The following PDE1C variants were observed in gnomAD, a reference collection of about 807,000 sequenced individuals.
The protein encoded by PDE1C is phosphodiesterase 1C.
A neutral mutation model predicts 93.1 loss-of-function variants in PDE1C; 62 were observed. That is an observed-to-expected ratio of 0.67 (90% CI 0.54 to 0.82). The LOEUF is 0.82. Ranked by LOEUF, PDE1C falls within the 40% of genes least tolerant of loss-of-function variation. The pLI, the probability that PDE1C is intolerant of heterozygous loss-of-function variation, is 0.00. For synonymous variants in PDE1C, 325 were observed against 310.1 expected (o/e 1.05, Z -0.50); for missense variants, 742 against 884.6 (o/e 0.84, Z 2.04).
intron 2 of PDE1C, among the ~76,000 whole-genome samples, chr7:31,986,929 AACACACACACACACACAC>A (rs10551724): frequency 2.0e-5 from 3 of 149,792 alleles, no homozygotes; most frequent in African/African-American, 4.9e-5. Context: ...ATTGAACACG[AACACACACACACACACAC>A]ACACACACAT....
At chr7:31,966,637 C>A (rs533591963) in intron 2 of PDE1C, among the ~76,000 whole-genome samples, 344 of 152,328 alleles carry the variant, frequency 2.3e-3, no homozygotes, top group Non-Finnish European at 3.8e-3. Context: ...ACTCTCTACC[C>A]TAAATCAACA....
chr7:32,075,647 AG>A (rs1189881437), upstream of PDE1C, among the ~76,000 whole-genome samples: 1 of 152,186 alleles, frequency 6.6e-6, no homozygotes, highest in African/African-American at 2.4e-5. Context: ...CCCCCACTCT[AG>A]CCCCCCTCTG....
At chr7:32,226,219 T>C (rs2128858364) in intron 1 of PDE1C, among the ~76,000 whole-genome samples, 1 of 152,308 alleles carries the variant, frequency 6.6e-6, no homozygotes, top group Admixed American at 6.5e-5. Flanking sequence ...TGGCCCTGAC[T>C]CCCTCACTCA....
At chr7:31,647,374 ATGG>A in the PDE1C span, among the ~76,000 whole-genome samples, 1 of 152,182 alleles carries the variant, frequency 6.6e-6, no homozygotes, top group African/African-American at 2.4e-5. Context: ...TTAGAAGATA[ATGG>A]GAGGCCAGGC....
chr7:31,912,168 T>A (rs1267628164), intron 2 of PDE1C, among the ~76,000 whole-genome samples: 1 of 152,166 alleles, frequency 6.6e-6, no homozygotes, highest in Non-Finnish European at 1.5e-5. Context: ...GAAAAGTCAA[T>A]GAAACCTATT....
the PDE1C span, among the ~76,000 whole-genome samples, chr7:31,628,030 A>C: frequency 5.9e-5 from 9 of 152,210 alleles, no homozygotes; most frequent in African/African-American, 2.2e-4. Flanking sequence ...ATAAGAGCAG[A>C]AAGTCTTTGT....
intron 7 of PDE1C, among the ~76,000 whole-genome samples, chr7:31,860,422 C>A (rs1490375560): frequency 1.3e-5 from 2 of 152,192 alleles, no homozygotes; most frequent in Non-Finnish European, 2.9e-5. Flanking sequence ...TATTATCACA[C>A]TTTCAACATT....
chr7:32,165,983 T>A (rs1014164677), intron 3 of PDE1C, among the ~76,000 whole-genome samples: 1 of 151,932 alleles, frequency 6.6e-6, no homozygotes. Flanking sequence ...ACACTCAAGT[T>A]TGAATCATCA....
At chr7:31,740,798 G>A in the PDE1C span, among the ~76,000 whole-genome samples, 1 of 152,170 alleles carries the variant, frequency 6.6e-6, no homozygotes, top group Admixed American at 6.5e-5. Context: ...GCCAGGCACG[G>A]TGGCTTACAT....
intron 1 of PDE1C, among the ~76,000 whole-genome samples, chr7:32,312,879 G>A (rs1783081313): frequency 6.6e-6 from 1 of 152,088 alleles, no homozygotes; most frequent in African/African-American, 2.4e-5. Context: ...AAAAGCAATG[G>A]CAACAAAAGC....
chr7:32,426,671 T>A (rs1785541207), intron 1 of PDE1C, among the ~76,000 whole-genome samples: 1 of 152,216 alleles, frequency 6.6e-6, no homozygotes, highest in Non-Finnish European at 1.5e-5. Context: ...TTCCCATTAA[T>A]ACCACAAAGA....
chr7:32,292,494 T>G (rs1275592443), intron 1 of PDE1C, among the ~76,000 whole-genome samples: 1 of 152,238 alleles, frequency 6.6e-6, no homozygotes, highest in Non-Finnish European at 1.5e-5. Context: ...ACCCAGTGGA[T>G]AAATCAGCCC....
intron 16 of PDE1C, among the ~76,000 whole-genome samples, chr7:31,805,445 T>G (rs1384091850): frequency 6.6e-6 from 1 of 151,918 alleles, no homozygotes; most frequent in Non-Finnish European, 1.5e-5. Context: ...TCTTCAGACC[T>G]CTAGAGTTTA....
intron 17 of PDE1C, among the ~76,000 whole-genome samples, chr7:31,758,109 G>A (rs529047437): frequency 6.6e-6 from 1 of 152,182 alleles, no homozygotes; most frequent in South Asian, 2.1e-4. Flanking sequence ...AGAACACTTG[G>A]GCACGAGAAG....
chr7:32,123,291 G>C (rs1375571959), intron 3 of PDE1C, among the ~76,000 whole-genome samples: 1 of 152,052 alleles, frequency 6.6e-6, no homozygotes, highest in Admixed American at 6.5e-5. Context: ...GTACAAAAAG[G>C]AGCTGGTACA....
intron 1 of PDE1C, among the ~76,000 whole-genome samples, chr7:32,063,760 A>T (rs1315547299): frequency 6.6e-6 from 1 of 152,240 alleles, no homozygotes; most frequent in Non-Finnish European, 1.5e-5. Context: ...CAATCCTTCA[A>T]ACACAAATGT....
At chr7:32,060,802 G>A (rs183347561) in intron 1 of PDE1C, among the ~76,000 whole-genome samples, 1 of 152,166 alleles carries the variant, frequency 6.6e-6, no homozygotes, top group African/African-American at 2.4e-5. Flanking sequence ...CTTGATTTAT[G>A]ATAATTAATC....
intron 3 of PDE1C, among the ~76,000 whole-genome samples, chr7:32,110,257 C>A (rs1798564999): frequency 6.6e-6 from 1 of 152,180 alleles, no homozygotes; most frequent in Admixed American, 6.6e-5. Context: ...TGATCCCTTG[C>A]AGAAGGATTG....
intron 2 of PDE1C, among the ~76,000 whole-genome samples, chr7:32,177,655 T>A (rs1037532997): frequency 6.6e-6 from 1 of 152,144 alleles, no homozygotes; most frequent in Non-Finnish European, 1.5e-5. Flanking sequence ...TAAATCAGCT[T>A]ACCCTGCCTC....
Sources: gnomAD v4.1 joint callset for allele counts (sites outside exome capture counted in the v4.1 genomes callset) on GRCh38, gnomAD v4.1.1 for gene constraint, MANE v1.5 for transcripts, NCBI Gene and HGNC (gene_info 2026-07-23, HGNC 2026-07-21) for gene names.